Variants in NAV2 observed in about 807,000 individuals in gnomAD.
The protein encoded by NAV2 is neuron navigator 2.
Under a neutral mutation model 223.2 loss-of-function variants are expected in NAV2, and 54 were observed. The ratio of observed to expected loss-of-function variants is 0.24; its 90% confidence interval spans 0.19 to 0.30. The LOEUF is 0.30. Among genes scored for constraint, NAV2 ranks in the 10% least tolerant of loss-of-function variants. The pLI is 1.00. For synonymous variants in NAV2, 1,279 were observed against 1,239.3 expected, an observed-to-expected ratio of 1.03 and a Z score of -0.67; for missense variants, 2,806 against 3,147.5, an observed-to-expected ratio of 0.89 and a Z score of 2.60.
intron 1 of NAV2, among the ~76,000 whole-genome samples, chr11:19,537,661 A>G (rs1456120361): frequency 2.0e-5 from 3 of 152,140 alleles, no homozygotes; most frequent in Non-Finnish European, 4.4e-5. Context: ...TGTATTCTAG[A>G]TATGGTCGCC....
chr11:19,359,436 G>T (rs1853806551), intron 1 of NAV2, among the ~76,000 whole-genome samples: 1 of 152,204 alleles, frequency 6.6e-6, no homozygotes, highest in Non-Finnish European at 1.5e-5. Flanking sequence ...ATCATTTATA[G>T]GTAAGATAAG....
intron 1 of NAV2, among the ~76,000 whole-genome samples, chr11:19,818,462 G>A (rs183181580): frequency 1.3e-5 from 2 of 151,984 alleles, no homozygotes; most frequent in African/African-American, 2.4e-5. Context: ...TATAATAGGT[G>A]TAAATAATCT....
At chr11:20,029,184 C>T (rs75189127) in intron 11 of NAV2, among the ~76,000 whole-genome samples, 334 of 152,196 alleles carry the variant, frequency 2.2e-3, no homozygotes, top group South Asian at 6.0e-3. Flanking sequence ...AAAGGACGTC[C>T]GTTGGAAAGG....
At chr11:19,785,730 G>A (rs566474076) in intron 1 of NAV2, among the ~76,000 whole-genome samples, 1 of 152,050 alleles carries the variant, frequency 6.6e-6, no homozygotes, top group Admixed American at 6.5e-5. Context: ...GGAGGAGTGG[G>A]AGCTATAGGC....
At chr11:20,070,330 C>T (rs1251523800) in intron 22 of NAV2, among the ~76,000 whole-genome samples, 5 of 152,180 alleles carry the variant, frequency 3.3e-5, no homozygotes, top group Non-Finnish European at 7.3e-5. Flanking sequence ...CTGAGCTACT[C>T]TCCTAGTTTA....
At chr11:20,019,360 A>C (rs1441292025) in intron 11 of NAV2, among the ~76,000 whole-genome samples, 1 of 152,186 alleles carries the variant, frequency 6.6e-6, no homozygotes, top group Non-Finnish European at 1.5e-5. Context: ...GTTAATGTAG[A>C]GTCATATTCT....
chr11:20,027,234 AG>A (rs2055180036), intron 11 of NAV2: 1 of 982,404 alleles, frequency 1.0e-6, no homozygotes, highest in Non-Finnish European at 1.2e-6. Context: ...TCTCTTCCCC[AG>A]GGGTTACTAC....
intron 1 of NAV2, among the ~76,000 whole-genome samples, chr11:19,417,299 C>G (rs928603730): frequency 6.6e-6 from 1 of 152,184 alleles, no homozygotes; most frequent in African/African-American, 2.4e-5. Flanking sequence ...TGAACAGACA[C>G]TTCTCAAAAG....
chr11:19,978,312 C>G (rs369692382), intron 10 of NAV2, among the ~76,000 whole-genome samples: 38 of 152,272 alleles, frequency 2.5e-4, no homozygotes, highest in South Asian at 1.9e-3. Context: ...GAATGTCACA[C>G]TGTATTATAA....
intron 22 of NAV2, among the ~76,000 whole-genome samples, chr11:20,071,102 C>T (rs1242012789): frequency 9.9e-6 from 1 of 101,294 alleles, no homozygotes; most frequent in Non-Finnish European, 1.9e-5. Context: ...CTATCCCTCC[C>T]CTAGCCCCCC....
At chr11:20,078,132 A>C (rs1369216222) in intron 24 of NAV2, 28 bp downstream of exon 24, 1 of 1,545,430 alleles carries the variant, frequency 6.5e-7, no homozygotes. Flanking sequence ...GCCTTTAGCC[A>C]GAAGACCTGC....
chr11:19,376,419 T>C (rs1055130658), intron 1 of NAV2, among the ~76,000 whole-genome samples: 2 of 152,162 alleles, frequency 1.3e-5, no homozygotes, highest in African/African-American at 2.4e-5. Context: ...CAGGTACACT[T>C]AGAAACCCCT....
intron 6 of NAV2, among the ~76,000 whole-genome samples, chr11:19,921,150 C>T (rs1403309050): frequency 6.6e-6 from 1 of 152,144 alleles, no homozygotes; most frequent in Non-Finnish European, 1.5e-5. Context: ...CAGTCACATC[C>T]GTGAAGCCCT....
At chr11:19,542,585 G>A (rs2044369175) in intron 1 of NAV2, among the ~76,000 whole-genome samples, 1 of 152,206 alleles carries the variant, frequency 6.6e-6, no homozygotes. Context: ...ATTGTAACAA[G>A]TCATGAAGTA....
chr11:19,603,631 CAA>C (rs1222524445), intron 1 of NAV2, among the ~76,000 whole-genome samples: 910 of 57,666 alleles, frequency 0.016, 4 homozygotes, highest in African/African-American at 0.038. Context: ...GACTCCATCT[CAA>C]AAAAAAAAAA....
intron 5 of NAV2, among the ~76,000 whole-genome samples, chr11:19,891,205 G>A (rs759750907): frequency 9.9e-5 from 15 of 152,186 alleles, no homozygotes; most frequent in Non-Finnish European, 1.6e-4. Flanking sequence ...AGAGAAGGCT[G>A]AAAGTTTTAT....
chr11:19,979,812 A>T (rs117849519), intron 10 of NAV2, among the ~76,000 whole-genome samples: 1 of 152,176 alleles, frequency 6.6e-6, no homozygotes, highest in Non-Finnish European at 1.5e-5. Flanking sequence ...CCACAATCCT[A>T]TGAGGGAACT....
chr11:19,727,658 C>A (rs1160110712), intron 1 of NAV2, among the ~76,000 whole-genome samples: 1 of 152,228 alleles, frequency 6.6e-6, no homozygotes, highest in Non-Finnish European at 1.5e-5. Context: ...AATAACTGAG[C>A]TCCTGAATTA....
chr11:19,856,413 A>T (rs1453355019), intron 3 of NAV2, among the ~76,000 whole-genome samples: 1 of 152,226 alleles, frequency 6.6e-6, no homozygotes, highest in African/African-American at 2.4e-5. Flanking sequence ...AGACTTTAGA[A>T]TTTGAAACTG....
Sources: gnomAD v4.1 joint callset for allele counts (sites outside exome capture counted in the v4.1 genomes callset) on GRCh38, gnomAD v4.1.1 for gene constraint, MANE v1.5 for transcripts, NCBI Gene and HGNC (gene_info 2026-07-23, HGNC 2026-07-21) for gene names.